Variants in CCSER1 observed in about 807,000 individuals in gnomAD.
CCSER1 encodes coiled-coil serine rich protein 1, also known as serine-rich coiled-coil domain-containing protein 1.
A neutral mutation model predicts 82.0 loss-of-function variants in CCSER1; 41 were observed. The ratio of observed to expected loss-of-function variants is 0.50; its 90% CI spans 0.39 to 0.65. The LOEUF (loss-of-function observed/expected upper bound fraction) is 0.65. CCSER1 is among the 30% of genes least tolerant of loss of function. The probability of loss-of-function intolerance (pLI) is 0.00; values close to 1 mark genes in which losing one functional copy is unlikely to be tolerated. For missense variants in CCSER1, 1,119 were observed against 1,064.2 expected, an observed-to-expected ratio of 1.05 and a Z score of -0.72; for synonymous variants, 414 against 383.9, an observed-to-expected ratio of 1.08 and a Z score of -0.92.
chr4:91,281,229 A>G (rs1168753366), intron 10 of CCSER1, among the ~76,000 whole-genome samples: 1 of 151,968 alleles, frequency 6.6e-6, no homozygotes, highest in African/African-American at 2.4e-5. Context: ...TTTTCATTGC[A>G]TTTCAGCATT....
chr4:90,407,559 A>G (rs547408075), intron 4 of CCSER1, among the ~76,000 whole-genome samples: 2 of 152,312 alleles, frequency 1.3e-5, no homozygotes, highest in South Asian at 2.1e-4. Context: ...AAAGAAAACT[A>G]CAGACAAATA....
chr4:90,830,345 A>G (rs1760977922), intron 8 of CCSER1, among the ~76,000 whole-genome samples: 1 of 152,190 alleles, frequency 6.6e-6, no homozygotes, highest in Non-Finnish European at 1.5e-5. Flanking sequence ...AAGCTGCAGA[A>G]TGTCATTTAA....
At chr4:90,290,611 C>T (rs565011633) in intron 1 of CCSER1, among the ~76,000 whole-genome samples, 4 of 151,924 alleles carry the variant, frequency 2.6e-5, no homozygotes, top group Admixed American at 6.6e-5. Flanking sequence ...ATCTGTAGGA[C>T]GGTACAACTG....
intron 8 of CCSER1, among the ~76,000 whole-genome samples, chr4:90,862,343 C>G (rs553170613): frequency 1.4e-5 from 2 of 146,570 alleles, no homozygotes; most frequent in South Asian, 4.5e-4. Flanking sequence ...CATATGGTCC[C>G]TCTTCTCAAA....
intron 5 of CCSER1, among the ~76,000 whole-genome samples, chr4:90,486,596 A>G (rs1458302898): frequency 6.6e-6 from 1 of 152,164 alleles, no homozygotes; most frequent in African/African-American, 2.4e-5. Context: ...TGAAAACCTC[A>G]TTTCTACTTT....
At chr4:90,629,991 A>G (rs1332762202) in intron 6 of CCSER1, among the ~76,000 whole-genome samples, 2 of 152,190 alleles carry the variant, frequency 1.3e-5, no homozygotes, top group Non-Finnish European at 2.9e-5. Context: ...ATGTAGATTC[A>G]TTTATGTCAT....
At chr4:91,331,163 C>A in intron 10 of CCSER1, among the ~76,000 whole-genome samples, 1 of 152,124 alleles carries the variant, frequency 6.6e-6, no homozygotes, top group Middle Eastern at 3.4e-3. Context: ...TAGAAGGTAT[C>A]CAGTCTAACT....
At position 91,398,379 on chromosome 4, in the gene CCSER1, A is replaced by T. The variant is rs186678719; in HGVS notation, c.2218-200193A>T. ...TAAAAAAGATAATTTAAGAGGCTTT[A>T]TGACAGATTTTTTGCTTAAACAGCA... is the stretch of plus-strand genomic sequence containing the variant. On this transcript the variant is annotated intron_variant, in intron 10 of 10. Coordinates refer to ENST00000509176, the MANE Select transcript of CCSER1 (RefSeq NM_001145065.2). 5.9e-5 allele frequency among the ~76,000 whole-genome samples: 9 copies of T among 152,108 alleles called. No individual in the cohort carries two copies. In the East Asian group the frequency reaches 1.7e-3, roughly 29 times the overall value.
chr4:91,152,102 G>C (rs1464852778), intron 10 of CCSER1, among the ~76,000 whole-genome samples: 1 of 152,144 alleles, frequency 6.6e-6, no homozygotes, highest in African/African-American at 2.4e-5. Context: ...CTATTGTGTA[G>C]GAGTCTAAGT....
chr4:91,585,231 G>A (rs73836243), intron 10 of CCSER1, among the ~76,000 whole-genome samples: 17,389 of 151,264 alleles, frequency 0.11, 1,017 homozygotes, highest in Middle Eastern at 0.18. Context: ...CTCCTTATTC[G>A]TGATGCCCAG....
intron 10 of CCSER1, among the ~76,000 whole-genome samples, chr4:91,309,142 AT>A (rs1468526524): frequency 6.6e-6 from 1 of 151,996 alleles, no homozygotes; most frequent in Admixed American, 6.6e-5. Flanking sequence ...AAAAGTGAGT[AT>A]TTTAAATCTT....
At chr4:90,479,316 CT>C (rs1765550672) in intron 5 of CCSER1, among the ~76,000 whole-genome samples, 1 of 152,032 alleles carries the variant, frequency 6.6e-6, no homozygotes. Context: ...AGGAGGAAAA[CT>C]TTTTTTCATG....
chr4:91,437,700 A>G (rs1254198605), intron 10 of CCSER1, among the ~76,000 whole-genome samples: 3 of 152,250 alleles, frequency 2.0e-5, no homozygotes, highest in Non-Finnish European at 2.9e-5. Context: ...AGGAAGCGCA[A>G]GGGGTCAGGG....
chr4:91,186,057 G>C (rs184083188), intron 10 of CCSER1, among the ~76,000 whole-genome samples: 1 of 152,196 alleles, frequency 6.6e-6, no homozygotes, highest in Non-Finnish European at 1.5e-5. Context: ...CTCTCGTCTA[G>C]CTTGCTGAAT....
chr4:91,268,557 T>G lies in CCSER1; in HGVS notation c.2217+182563T>G, dbSNP rs140152582. Among the ~76,000 whole-genome samples the G allele has an allele frequency of 5.9e-3, 903 of 152,258 alleles. 6 individuals are homozygous for G. The highest frequency in any genetic ancestry group is 0.019 in the African/African-American group (783 of 41,552). On this transcript the variant is annotated intron_variant, in intron 10 of 10. Transcript: ENST00000509176. ...ATGGCTGAAGAATTATGTCACGCGC[T>G]TCCCAGTGAAGACACCACCAAACAG...
chr4:90,626,857 CTAT>C (rs1723381786), intron 5 of CCSER1, among the ~76,000 whole-genome samples: 1 of 152,102 alleles, frequency 6.6e-6, no homozygotes, highest in African/African-American at 2.4e-5. Flanking sequence ...TAAATATTAG[CTAT>C]TATTATATGC....
At chr4:91,463,835 C>T (rs1237018903) in intron 10 of CCSER1, among the ~76,000 whole-genome samples, 1 of 152,084 alleles carries the variant, frequency 6.6e-6, no homozygotes, top group Admixed American at 6.5e-5. Context: ...ACAAAGCCTC[C>T]AAGAAATATG....
intron 5 of CCSER1, among the ~76,000 whole-genome samples, chr4:90,610,970 C>T (rs747920683): frequency 2.6e-5 from 4 of 151,842 alleles, no homozygotes; most frequent in Admixed American, 6.6e-5. Context: ...CCTCCCCTTC[C>T]AGGTTCAAGC....
At chr4:90,543,992 G>GAA (rs1776437912) in intron 5 of CCSER1, among the ~76,000 whole-genome samples, 2 of 152,110 alleles carry the variant, frequency 1.3e-5, no homozygotes, top group Non-Finnish European at 2.9e-5. Flanking sequence ...TGAGGCATCT[G>GAA]TGTCAGAGAC....
Sources: gnomAD v4.1 joint callset for allele counts (sites outside exome capture counted in the v4.1 genomes callset) on GRCh38, gnomAD v4.1.1 for gene constraint, MANE v1.5 for transcripts, NCBI Gene and HGNC (gene_info 2026-07-23, HGNC 2026-07-21) for gene names.